DIAPH3: variants seen among roughly 807,000 people sequenced by gnomAD.
DIAPH3 encodes protein diaphanous homolog 3.
Under a neutral mutation model 144.3 loss-of-function variants are expected in DIAPH3, and 117 were observed. That is an observed-to-expected ratio of 0.81 (90% CI 0.70 to 0.95). DIAPH3 has a LOEUF of 0.95. Ranked by LOEUF, DIAPH3 falls within the 40% of genes least tolerant of loss-of-function variation. The pLI is 0.00. For synonymous variants in DIAPH3, 519 were observed against 488.9 expected (o/e 1.06, Z -0.81); for missense variants, 1,421 against 1,412.7 (o/e 1.01, Z -0.09).
intron 27 of DIAPH3, among the ~76,000 whole-genome samples, chr13:59,739,663 T>C (rs1478498127): frequency 1.3e-5 from 2 of 152,114 alleles, no homozygotes; most frequent in Admixed American, 6.6e-5. Context: ...CATAGAGAGA[T>C]TAAACATAAA....
chr13:59,936,355 G>A (rs374255710), intron 17 of DIAPH3, among the ~76,000 whole-genome samples: 13 of 152,064 alleles, frequency 8.5e-5, no homozygotes, highest in Admixed American at 3.9e-4. Context: ...TCAAAAGTAC[G>A]ACCCCTACAA....
At chr13:60,104,762 A>G (rs1224144693) in intron 3 of DIAPH3, among the ~76,000 whole-genome samples, 1 of 152,136 alleles carries the variant, frequency 6.6e-6, no homozygotes. Flanking sequence ...ACCTACAATC[A>G]CAAACAACTG....
chr13:60,129,067 G>A (rs2059068925), intron 2 of DIAPH3, among the ~76,000 whole-genome samples: 1 of 152,118 alleles, frequency 6.6e-6, no homozygotes, highest in Admixed American at 6.5e-5. Context: ...GTACTATACT[G>A]TAGACAAATG....
chr13:59,947,543 G>A (rs1054295812), intron 17 of DIAPH3, among the ~76,000 whole-genome samples: 1 of 152,064 alleles, frequency 6.6e-6, no homozygotes, highest in East Asian at 1.9e-4. Context: ...AGGGAGAGGA[G>A]GAGGAAGAGA....
rs1028123743 is a variant in DIAPH3 at position 60,136,865 on chromosome 13, G to A, written c.181-3876C>T. ...TGAGACAGGAGAATGGCGTGAACCC[G>A]GGAGGCGGAGCTTGCAGTGAGCCGA... On this transcript the variant is annotated intron_variant, in intron 1 of 27. Transcript: ENST00000400324. 5.9e-5 allele frequency among the ~76,000 whole-genome samples: 9 copies of A among 152,164 alleles called. No individual in the cohort carries two copies. The East Asian group carries it at 7.7e-4, about 13-fold the overall frequency.
chr13:59,677,988 G>A (rs904837526), intron 27 of DIAPH3, among the ~76,000 whole-genome samples: 2 of 152,118 alleles, frequency 1.3e-5, no homozygotes, highest in Admixed American at 6.5e-5. Context: ...CTGGGTTACC[G>A]TTCAGAGACT....
chr13:60,096,553 C>T (rs957610809), intron 3 of DIAPH3, among the ~76,000 whole-genome samples: 3 of 152,160 alleles, frequency 2.0e-5, no homozygotes, highest in Admixed American at 2.0e-4. Context: ...TCTCTAGGTA[C>T]GTCTTTCAGA....
At chr13:60,113,682 A>G (rs911077061) in intron 2 of DIAPH3, among the ~76,000 whole-genome samples, 4 of 152,240 alleles carry the variant, frequency 2.6e-5, no homozygotes, top group Non-Finnish European at 5.9e-5. Flanking sequence ...CTGAAGACCC[A>G]AAGAAATCTA....
intron 25 of DIAPH3, among the ~76,000 whole-genome samples, chr13:59,775,971 T>C (rs1022074296): frequency 6.6e-6 from 1 of 152,218 alleles, no homozygotes; most frequent in Non-Finnish European, 1.5e-5. Context: ...AAGGAACTAC[T>C]GGCCCAAACC....
chr13:59,669,872 C>T (rs972802064), intron 27 of DIAPH3, among the ~76,000 whole-genome samples: 2 of 152,176 alleles, frequency 1.3e-5, no homozygotes, highest in Non-Finnish European at 2.9e-5. Context: ...TCCAATCATG[C>T]TTTTGACCCT....
chr13:59,820,444 A>G (rs2041008912), intron 24 of DIAPH3, among the ~76,000 whole-genome samples: 1 of 151,976 alleles, frequency 6.6e-6, no homozygotes, highest in Non-Finnish European at 1.5e-5. Flanking sequence ...TCTAATGTTC[A>G]TTATGAGATT....
At chr13:59,956,396 C>T (rs983419582) in intron 17 of DIAPH3, among the ~76,000 whole-genome samples, 1 of 152,214 alleles carries the variant, frequency 6.6e-6, no homozygotes, top group Non-Finnish European at 1.5e-5. Flanking sequence ...AAAGGTACAG[C>T]TCAGGCTGTT....
At chr13:59,917,650 G>A (rs1036605456) in intron 18 of DIAPH3, among the ~76,000 whole-genome samples, 7 of 152,050 alleles carry the variant, frequency 4.6e-5, no homozygotes, top group African/African-American at 1.7e-4. Flanking sequence ...CAGCACTTTG[G>A]GAGGCAGAGG....
At chr13:60,075,962 A>T (rs777655687) in intron 4 of DIAPH3, among the ~76,000 whole-genome samples, 8 of 152,266 alleles carry the variant, frequency 5.3e-5, no homozygotes, top group Non-Finnish European at 1.2e-4. Flanking sequence ...CACCCTGCAT[A>T]AACTGTCCCT....
chr13:59,839,210 C>T (rs2042205383), intron 23 of DIAPH3, 114 bp downstream of exon 23: 5 of 1,320,474 alleles, frequency 3.8e-6, no homozygotes, highest in Non-Finnish European at 4.2e-6. Context: ...GTTAAACTTT[C>T]TGTAATTTGG....
intron 7 of DIAPH3, among the ~76,000 whole-genome samples, chr13:60,015,252 A>T (rs946147417): frequency 6.6e-6 from 1 of 152,072 alleles, no homozygotes; most frequent in Non-Finnish European, 1.5e-5. Context: ...CTGCCTCGGC[A>T]TCCCAAAGCG....
At chr13:59,823,115 TAAA>T (rs987035057) in intron 24 of DIAPH3, among the ~76,000 whole-genome samples, 1 of 152,128 alleles carries the variant, frequency 6.6e-6, no homozygotes, top group African/African-American at 2.4e-5. Context: ...GGAAAAGAAA[TAAA>T]AATTAGCAGT....
intron 20 of DIAPH3, among the ~76,000 whole-genome samples, chr13:59,909,399 C>T (rs2046887201): frequency 1.3e-5 from 2 of 151,122 alleles, no homozygotes; most frequent in African/African-American, 4.9e-5. Context: ...GCAGGTTTCC[C>T]ACTTCTCTTT....
intron 2 of DIAPH3, among the ~76,000 whole-genome samples, chr13:60,121,535 T>C (rs898461264): frequency 2.0e-5 from 3 of 152,168 alleles, no homozygotes; most frequent in African/African-American, 7.2e-5. Context: ...ACTCTGATGG[T>C]TTATGCTTCA....
Sources: gnomAD v4.1 joint callset for allele counts (sites outside exome capture counted in the v4.1 genomes callset) on GRCh38, gnomAD v4.1.1 for gene constraint, MANE v1.5 for transcripts, NCBI Gene and HGNC (gene_info 2026-07-23, HGNC 2026-07-21) for gene names.